The following ADGRG4 variants were observed in gnomAD, a reference collection of about 807,000 sequenced individuals.
ADGRG4 encodes the protein G protein-coupled receptor 112.
In ADGRG4, 122 loss-of-function variants were observed where a neutral mutation model predicts 126.2. The observed-to-expected ratio is 0.97, with a 90% CI of 0.83 to 1.12. ADGRG4 has a LOEUF of 1.12. ADGRG4 is among the 50% of genes most tolerant of loss of function. The pLI is 0.00. For missense variants in ADGRG4, 2,481 were observed against 2,251.8 expected (o/e 1.10, Z -2.06); for synonymous variants, 943 against 838.7 (o/e 1.12, Z -2.15).
In ADGRG4 at chrX:136,348,231, C is replaced by T; in HGVS notation, c.4525C>T (p.Pro1509Ser). 1 of 1,210,791 alleles carries T rather than the reference C, an allele frequency of 8.3e-7. No homozygotes were observed. Among genetic ancestry groups the T allele is most frequent in the Non-Finnish European group, 1.1e-6 (1 of 894,731 alleles). Residue 1509 changes from proline to serine, a missense_variant, in exon 6 of 26, where the codon CCT (proline) becomes TCT (serine). Physicochemically the swap from Pro to Ser is moderately conservative, Grantham distance 74 (BLOSUM62 -1). Coordinates refer to ENST00000394143, the MANE Select transcript of ADGRG4 (RefSeq NM_153834.4). ...AGAATCCTCTATGGCAACGTCCACT[C>T]CTATTTACCAGATGTCCTCATTGCC... ...PRESSMATST[P>S]IYQMSSLPVN...
chrX:136,399,851 A>T lies in ADGRG4; in HGVS notation c.8310A>T (p.Lys2770Asn). The T allele has an allele frequency of 8.3e-7, 1 of 1,201,908 alleles. No individual in the cohort carries two copies. The highest frequency in any genetic ancestry group is 1.8e-5 in the South Asian group (1 of 55,454). The part of the protein sequence containing the change: ...VAVVTYIAFH[K>N]LRKDYPAKIL... Reference sequence around the variant, plus strand: ...AACATTGTACTTTCTCTTTTAGCAAACTTCGAAAAGATTATCCTGCCAAAA... The same window carrying T: ...AACATTGTACTTTCTCTTTTAGCAATCTTCGAAAAGATTATCCTGCCAAAA... Residue 2770 changes from lysine to asparagine, a missense_variant, in exon 21 of 26, where the codon AAA (lysine) becomes AAT (asparagine). Coordinates refer to ENST00000394143, the MANE Select transcript of ADGRG4 (RefSeq NM_153834.4).
At chrX:136,301,235 C>T (rs1452474552) in intron 1 of ADGRG4, among the ~76,000 whole-genome samples, 3 of 112,153 alleles carry the variant, frequency 2.7e-5, no homozygotes, top group Non-Finnish European at 5.6e-5. Context: ...TCTCCACATC[C>T]TCTCCAGCAC....
chrX:136,406,008 T>C, intron 23 of ADGRG4, 36 bp downstream of exon 23: 1 of 1,093,996 alleles, frequency 9.1e-7, no homozygotes, highest in Non-Finnish European at 1.2e-6. Flanking sequence ...TGTGGCCAGC[T>C]ACACATGCAG....
rs2075342984 is a variant in ADGRG4, at chrX:136,395,592, G to GA, written c.8184+106dup. 1.2e-5 allele frequency: 5 copies of GA among 426,707 alleles called. No individual in the cohort carries two copies. In the Admixed American group the frequency reaches 1.9e-4, roughly 16 times the overall value. The allele number at this position is 426,707 out of a possible 1,213,427, so 35.2% of individuals were successfully genotyped here. On this transcript the variant is annotated intron_variant, in intron 19 of 25. Transcript: ENST00000394143. ...GTTATTAAAAAATGGTATGCATTTG[G>GA]AAAAAAATCCCCCTTCCAATTTGTT...
chrX:136,331,992 A>AT (rs1175543451), intron 5 of ADGRG4, among the ~76,000 whole-genome samples: 140 of 106,184 alleles, frequency 1.3e-3, no homozygotes, highest in African/African-American at 3.6e-3. Context: ...AATTTTTTGT[A>AT]TTTTTTTTTA....
chrX:136,381,092 G>T (rs373145664), intron 15 of ADGRG4, among the ~76,000 whole-genome samples: 2 of 111,016 alleles, frequency 1.8e-5, no homozygotes, highest in African/African-American at 6.5e-5. Context: ...ATCCTAAAAA[G>T]CTGTAAATAT....
At chrX:136,352,221 T>A (rs138817646) in intron 7 of ADGRG4, among the ~76,000 whole-genome samples, 24 of 112,459 alleles carry the variant, frequency 2.1e-4, no homozygotes, top group Non-Finnish European at 3.2e-4. Context: ...TCCTCTGCAC[T>A]TAACCATGTA....
intron 20 of ADGRG4, 49 bp from the exon 21 acceptor site, chrX:136,399,799 A>C: frequency 2.0e-6 from 2 of 985,486 alleles, no homozygotes; most frequent in Non-Finnish European, 2.7e-6. Flanking sequence ...TGTTTAATTA[A>C]AAAAAAAAAA....
intron 13 of ADGRG4, among the ~76,000 whole-genome samples, chrX:136,366,412 T>C (rs1369992482): frequency 1.8e-5 from 2 of 112,552 alleles, no homozygotes; most frequent in African/African-American, 6.5e-5. Context: ...TGTCTGGATG[T>C]ACCACAGTTT....
intron 15 of ADGRG4, among the ~76,000 whole-genome samples, chrX:136,381,781 G>C (rs2075265473): frequency 9.0e-6 from 1 of 111,070 alleles, no homozygotes; most frequent in Admixed American, 9.6e-5. Context: ...CTGTCTGCAA[G>C]CTTGAGGAGC....
At chrX:136,307,234 T>G (rs902600619) in intron 3 of ADGRG4, among the ~76,000 whole-genome samples, 2 of 112,366 alleles carry the variant, frequency 1.8e-5, no homozygotes, top group Non-Finnish European at 3.8e-5. Context: ...AAAATTGCCT[T>G]CGAAATATCA....
At chrX:136,312,688 C>T (rs184822744) in intron 4 of ADGRG4, among the ~76,000 whole-genome samples, 1 of 111,871 alleles carries the variant, frequency 8.9e-6, no homozygotes, top group East Asian at 2.8e-4. Flanking sequence ...ACATACCATA[C>T]AGTTCACCCA....
At chrX:136,398,768 A>C (rs1037307146) in intron 20 of ADGRG4, among the ~76,000 whole-genome samples, 1 of 111,654 alleles carries the variant, frequency 9.0e-6, no homozygotes, top group African/African-American at 3.3e-5. Flanking sequence ...CAGGAATTTC[A>C]CTCTTAGATA....
chrX:136,347,827 CT>C lies in ADGRG4; in HGVS notation c.4127del (p.Leu1376CysfsTer21), dbSNP rs748603011. The C allele has an allele frequency of 1.9e-4, 235 of 1,207,269 alleles. No individual in the cohort carries two copies. The highest frequency in any genetic ancestry group is 2.6e-4 in the Non-Finnish European group (234 of 892,890). On this transcript the variant is annotated frameshift_variant, in exon 6 of 26. Coordinates refer to ENST00000394143, the MANE Select transcript of ADGRG4 (RefSeq NM_153834.4). LOFTEE classifies it high-confidence loss of function. ...CCCTCACAAGCTCTGACAATCACCA[CT>C]TTTTTGTGTCCTGAAAAGGAAAGCA... ...ALPSQALTIT[T>X]FLCPEKESTS...
chrX:136,356,294 A>T, intron 9 of ADGRG4, 129 bp downstream of exon 9: 1 of 389,407 alleles, frequency 2.6e-6, no homozygotes, highest in South Asian at 9.6e-5. Flanking sequence ...GGGTCAAATT[A>T]CATTACTTCC....
At chrX:136,398,681 A>G (rs371503714) in intron 20 of ADGRG4, among the ~76,000 whole-genome samples, 1 of 112,378 alleles carries the variant, frequency 8.9e-6, no homozygotes, top group Non-Finnish European at 1.9e-5. Context: ...GCTAGTGGGA[A>G]TGTAAAATGG....
At chrX:136,379,689 C>T (rs887222072) in intron 15 of ADGRG4, among the ~76,000 whole-genome samples, 8 of 110,372 alleles carry the variant, frequency 7.2e-5, no homozygotes, top group African/African-American at 2.6e-4. Flanking sequence ...ACTCTCACCA[C>T]CATATGTCTG....
rs146052942 is a variant in ADGRG4 at position 136,378,664 on chromosome X, T to C, written c.7776+5600T>C. ...GATGTTCTTTATTTGATTGAGGTAG[T>C]TACCTTCTATTCTTGGTTTCCTGAA... On this transcript the variant is annotated intron_variant, in intron 15 of 25. Transcript: ENST00000394143. 6.2e-3 allele frequency among the ~76,000 whole-genome samples: 690 copies of C among 111,969 alleles called. 13 individuals are homozygous for C. Among genetic ancestry groups the C allele is most frequent in the African/African-American group, 0.021 (640 of 30,881 alleles).
At chrX:136,412,216 C>A in intron 23 of ADGRG4, 49 bp from the exon 24 acceptor site, 3 of 838,045 alleles carry the variant, frequency 3.6e-6, no homozygotes, top group Non-Finnish European at 5.4e-6. Flanking sequence ...GCATTGGTGA[C>A]AGCTGGTGAA....
Sources: allele counts gnomAD v4.1 joint callset (sites outside exome capture counted in the v4.1 genomes callset), GRCh38; gene constraint gnomAD v4.1.1; transcripts MANE v1.5; gene names NCBI Gene and HGNC (gene_info 2026-07-23, HGNC 2026-07-21).